Variants in MCC observed in about 807,000 individuals in gnomAD.
MCC encodes the protein MCC regulator of Wnt signaling pathway, also known as colorectal mutant cancer protein.
Under a neutral mutation model 116.2 loss-of-function variants are expected in MCC, and 90 were observed. The observed-to-expected ratio is 0.77, with a 90% CI of 0.65 to 0.92. The LOEUF is 0.92. MCC is among the 40% of genes least tolerant of loss of function. The pLI is 0.00. For missense variants in MCC, 1,516 were observed against 1,312.2 expected (o/e 1.16, Z -2.40); for synonymous variants, 578 against 510.5 (o/e 1.13, Z -1.78).
intron 3 of MCC, among the ~76,000 whole-genome samples, chr5:113,283,594 A>C (rs1766136211): frequency 6.6e-6 from 1 of 152,166 alleles, no homozygotes; most frequent in Non-Finnish European, 1.5e-5. Context: ...AGGCTTGACC[A>C]ATCACTCCCT....
intron 18 of MCC, among the ~76,000 whole-genome samples, chr5:113,027,719 C>T (rs1346397740): frequency 6.6e-6 from 1 of 151,784 alleles, no homozygotes; most frequent in African/African-American, 2.4e-5. Context: ...TTGCTAGAGG[C>T]TGGTCACTCT....
intron 1 of MCC, chr5:113,433,606 G>C (rs972510153): frequency 8.4e-7 from 1 of 1,191,922 alleles, no homozygotes. Flanking sequence ...AGTTCAAGGG[G>C]AGAGAGAAGA....
chr5:113,449,651 C>G (rs759529899), intron 1 of MCC, among the ~76,000 whole-genome samples: 3 of 152,180 alleles, frequency 2.0e-5, no homozygotes, highest in African/African-American at 7.2e-5. Context: ...TAGAGTGGAA[C>G]AGGAAAAGAG....
At chr5:113,378,898 A>G (rs539555410) in intron 2 of MCC, among the ~76,000 whole-genome samples, 3 of 152,378 alleles carry the variant, frequency 2.0e-5, no homozygotes, top group African/African-American at 7.2e-5. Context: ...TTTTAACTCC[A>G]GTCTTTCCCA....
chr5:113,184,657 G>C (rs1480976020), intron 3 of MCC, among the ~76,000 whole-genome samples: 1 of 151,788 alleles, frequency 6.6e-6, no homozygotes, highest in Non-Finnish European at 1.5e-5. Context: ...TAACCCTATA[G>C]GAACAGAGGT....
At position 113,376,600 on chromosome 5, in the gene MCC, C is replaced by T. The variant is rs1443822950; in HGVS notation, c.415+8368G>A. The stretch of plus-strand genomic sequence containing the variant: ...ACACACACACACACACACACACACA[C>T]ACACACATATCAGTATTATGTAGCA... On this transcript the variant is annotated intron_variant, in intron 2 of 18. Transcript: ENST00000408903. Among the ~76,000 whole-genome samples the T allele has an allele frequency of 3.9e-5, 6 of 152,130 alleles. No individual in the cohort carries two copies. The East Asian group carries it at 9.6e-4, about 24-fold the overall frequency.
At chr5:113,143,452 T>C (rs1759309953) in intron 4 of MCC, 92 bp from the exon 5 acceptor site, 4 of 1,343,208 alleles carry the variant, frequency 3.0e-6, no homozygotes, top group Non-Finnish European at 4.1e-6. Flanking sequence ...CCATTACAAC[T>C]GCCAACACTG....
At chr5:113,411,854 T>C (rs529284002) in intron 1 of MCC, among the ~76,000 whole-genome samples, 4 of 152,354 alleles carry the variant, frequency 2.6e-5, no homozygotes, top group African/African-American at 9.6e-5. Context: ...CCTATGCCTA[T>C]GTCCTGAATG....
At chr5:113,285,337 G>A (rs1344919400) in intron 3 of MCC, among the ~76,000 whole-genome samples, 1 of 146,254 alleles carries the variant, frequency 6.8e-6, no homozygotes, top group Non-Finnish European at 1.5e-5. Context: ...ATCTCCCCCT[G>A]CCTACCCCGC....
At chr5:113,324,453 C>T (rs944794538) in intron 3 of MCC, among the ~76,000 whole-genome samples, 2 of 152,146 alleles carry the variant, frequency 1.3e-5, no homozygotes, top group Non-Finnish European at 2.9e-5. Flanking sequence ...CTACCAATCA[C>T]CCAAATTACA....
At chr5:113,414,908 T>C (rs1229428424) in intron 1 of MCC, among the ~76,000 whole-genome samples, 1 of 152,216 alleles carries the variant, frequency 6.6e-6, no homozygotes, top group Non-Finnish European at 1.5e-5. Flanking sequence ...CTGGTACCAG[T>C]TGTTCCTTTC....
intron 3 of MCC, among the ~76,000 whole-genome samples, chr5:113,198,659 A>G (rs1436987115): frequency 1.3e-5 from 2 of 150,276 alleles, no homozygotes; most frequent in Non-Finnish European, 3.0e-5. Context: ...AGCAGTGATC[A>G]TGGGCCACTG....
intron 3 of MCC, among the ~76,000 whole-genome samples, chr5:113,159,770 G>A (rs1760378615): frequency 6.6e-6 from 1 of 152,188 alleles, no homozygotes; most frequent in South Asian, 2.1e-4. Flanking sequence ...GTGACTTCTA[G>A]GACTGGAACA....
rs534324636 is a variant in MCC, at chr5:113,332,884, C to T, written c.627+7635G>A. The stretch of plus-strand genomic sequence containing the variant: ...CAGCTGATTCTTAGAGGATCTAATA[C>T]GACTTTGAAAGAGCACCCAGTAATC... On this transcript the variant is annotated intron_variant, in intron 3 of 18. Coordinates refer to ENST00000408903, the MANE Select transcript of MCC (RefSeq NM_001085377.2). Among the ~76,000 whole-genome samples the T allele has an allele frequency of 1.0e-3, 155 of 151,692 alleles. 5 individuals are homozygous for T. Among genetic ancestry groups the T allele is most frequent in the African/African-American group, 3.5e-3 (143 of 41,018 alleles).
In MCC at chr5:113,423,028, T is replaced by C. The variant is rs146091111; in HGVS notation, c.171-37816A>G. On this transcript the variant is annotated intron_variant, in intron 1 of 18. Coordinates refer to ENST00000408903, the MANE Select transcript of MCC (RefSeq NM_001085377.2). ...ATACTCATCGTGTTTTCCACAATTA[T>C]TTGTGAATGTGGTCAGAGTGGTGAA... Among the ~76,000 whole-genome samples, 227 of 152,336 alleles carry C rather than the reference T, an allele frequency of 1.5e-3. 6 individuals are homozygous for C. The East Asian group carries it at 0.02, about 13-fold the overall frequency.
intron 3 of MCC, among the ~76,000 whole-genome samples, chr5:113,260,809 C>A (rs887897899): frequency 1.3e-5 from 2 of 151,818 alleles, no homozygotes; most frequent in African/African-American, 4.8e-5. Flanking sequence ...CCATACACAT[C>A]TTCAGTACTG....
intron 1 of MCC, among the ~76,000 whole-genome samples, chr5:113,403,603 G>T (rs546924116): frequency 6.6e-6 from 1 of 152,312 alleles, no homozygotes; most frequent in African/African-American, 2.4e-5. Flanking sequence ...TTACAATAGT[G>T]GCTGAGAGAG....
intron 2 of MCC, among the ~76,000 whole-genome samples, chr5:113,363,795 A>G (rs1201791835): frequency 2.0e-5 from 3 of 152,192 alleles, no homozygotes; most frequent in Non-Finnish European, 2.9e-5. Flanking sequence ...TCAAAAGTCC[A>G]AAGTCCAAAA....
At chr5:113,460,655 G>C (rs1040976995) in intron 1 of MCC, among the ~76,000 whole-genome samples, 1 of 152,192 alleles carries the variant, frequency 6.6e-6, no homozygotes, top group East Asian at 1.9e-4. Flanking sequence ...GATGCTCACA[G>C]AGTTCAAAAG....
Sources: allele counts gnomAD v4.1 joint callset (sites outside exome capture counted in the v4.1 genomes callset), GRCh38; gene constraint gnomAD v4.1.1; transcripts MANE v1.5; gene names NCBI Gene and HGNC (gene_info 2026-07-23, HGNC 2026-07-21).